XAF1: variants seen among roughly 807,000 people sequenced by gnomAD.
The protein encoded by XAF1 is XIAP-associated factor 1.
XAF1 carries 32 observed loss-of-function variants against 32.3 expected under a neutral mutation model. The observed-to-expected ratio is 0.99, with a 90% CI of 0.75 to 1.33. The LOEUF (loss-of-function observed/expected upper bound fraction) is 1.33. Among genes scored for constraint, XAF1 ranks in the 40% most tolerant of loss-of-function variants. The pLI, the probability that XAF1 is intolerant of heterozygous loss-of-function variation, is 0.00. For synonymous variants in XAF1, 120 were observed against 125.9 expected (o/e 0.95, Z 0.31); for missense variants, 379 against 366.0 (o/e 1.04, Z -0.29).
chr17:6,755,899 T>C, upstream of XAF1: 3 of 1,425,774 alleles, frequency 2.1e-6, no homozygotes, highest in Non-Finnish European at 2.7e-6. Context: ...GGGCTGGCCA[T>C]GCTGTAAAGG....
chr17:6,760,614 A>G lies in XAF1; in HGVS notation c.421+13A>G. 1 of 1,599,292 alleles carries G rather than the reference A, an allele frequency of 6.3e-7. No homozygotes were observed. The highest frequency in any genetic ancestry group is 8.5e-7 in the Non-Finnish European group (1 of 1,170,276). ...CAGCTCGGGAAAGGTAAGCACACAA[A>G]CTGGGGTGGAAGAGAGACGTTCCAA... On this transcript the variant is annotated intron_variant, in intron 4 of 6. Transcript: ENST00000361842.
rs771911994 is a variant in XAF1, at chr17:6,756,056, C to T, written c.-23C>T. On this transcript the variant is annotated 5_prime_UTR_variant, in exon 1 of 7. Coordinates refer to ENST00000361842, the MANE Select transcript of XAF1 (RefSeq NM_017523.5). Reference sequence around the variant, plus strand: ...TTGCCTGCAAGAAACGAAACTCAACCGAAAGCCTGCAGAGAGCAGAACATG... The same window carrying T: ...TTGCCTGCAAGAAACGAAACTCAACTGAAAGCCTGCAGAGAGCAGAACATG... 47 of 1,613,534 alleles carry T rather than the reference C, an allele frequency of 2.9e-5. No individual in the cohort carries two copies. The highest frequency in any genetic ancestry group is 3.6e-5 in the Non-Finnish European group (42 of 1,179,880).
At position 6,774,548 on chromosome 17, in the gene XAF1, G is replaced by A. The variant is rs183088341; in HGVS notation, c.*1379G>A. On this transcript the variant is annotated 3_prime_UTR_variant, in exon 7 of 7. Coordinates refer to ENST00000361842, the MANE Select transcript of XAF1 (RefSeq NM_017523.5). ...CAAAGATCCCAAAAATAATTGTAACGAAAGCAAAAATTGACAAATGGGACA... is the reference window on the plus strand; with the variant it reads ...CAAAGATCCCAAAAATAATTGTAACAAAAGCAAAAATTGACAAATGGGACA... 4 of 152,188 alleles carry A rather than the reference G, an allele frequency of 2.6e-5. No individual in the cohort carries two copies. The highest frequency in any genetic ancestry group is 1.9e-4 in the East Asian group (1 of 5,184). The allele number at this position is 152,188 out of a possible 1,614,324, so 9.4% of individuals were successfully genotyped here.
chr17:6,770,927 G>A lies in XAF1; in HGVS notation c.792G>A (p.Leu264=), dbSNP rs149963509. The change falls in exon 6 of 7, where the codon CTG becomes CTA. Residue 264 remains leucine, a synonymous_variant. Transcript: ENST00000361842. ...PRGDKAAYDI[L]RRCSQCGILL... ...GAGATAAAGCAGCCTATGACATTCTGAGGAGATGTTCTCAGTGTGGCATCC... is the reference window on the plus strand; with the variant it reads ...GAGATAAAGCAGCCTATGACATTCTAAGGAGATGTTCTCAGTGTGGCATCC... The A allele has an allele frequency of 1.9e-4, 306 of 1,613,984 alleles. 1 individual carries two copies. The highest frequency in any genetic ancestry group is 1.3e-3 in the African/African-American group (95 of 75,026).
intron 1 of XAF1, among the ~76,000 whole-genome samples, chr17:6,756,992 CTTTTT>C (rs35781742): frequency 1.5e-5 from 2 of 134,754 alleles, no homozygotes; most frequent in African/African-American, 6.3e-5. Flanking sequence ...CTTTCTTCTT[CTTTTT>C]TTTTTTTTTT....
chr17:6,772,125 A>G (rs928375866), intron 6 of XAF1, among the ~76,000 whole-genome samples: 8 of 152,072 alleles, frequency 5.3e-5, no homozygotes, highest in Admixed American at 2.0e-4. Context: ...GGTTCATTTC[A>G]TATTTGCTGG....
At chr17:6,763,213 A>G (rs1975350975) in intron 5 of XAF1, among the ~76,000 whole-genome samples, 1 of 152,220 alleles carries the variant, frequency 6.6e-6, no homozygotes, top group Admixed American at 6.5e-5. Flanking sequence ...CAGTAGACTC[A>G]TATAATATGT....
At chr17:6,764,475 C>T (rs969276026) in intron 5 of XAF1, among the ~76,000 whole-genome samples, 14 of 152,192 alleles carry the variant, frequency 9.2e-5, no homozygotes, top group African/African-American at 3.4e-4. Context: ...AACAAAGTCT[C>T]ACATCTCTAG....
At chr17:6,760,859 G>C (rs577281038) in intron 4 of XAF1, among the ~76,000 whole-genome samples, 5 of 152,224 alleles carry the variant, frequency 3.3e-5, no homozygotes, top group Admixed American at 6.5e-5. Flanking sequence ...GTTGAGTAAA[G>C]AGGCCATGGA....
rs891310450 is a variant in XAF1 at position 6,775,280 on chromosome 17, C to T, written c.*2111C>T. On this transcript the variant is annotated 3_prime_UTR_variant, in exon 7 of 7. Coordinates refer to ENST00000361842, the MANE Select transcript of XAF1 (RefSeq NM_017523.5). The stretch of plus-strand genomic sequence containing the variant: ...GCAGACACTGGGGCCTACCTGAGGT[C>T]GGAGCATGGAAGGAGGGTGAGGATC... 1 of 152,000 alleles carries T rather than the reference C, an allele frequency of 6.6e-6. No homozygotes were observed. Among genetic ancestry groups the T allele is most frequent in the African/African-American group, 2.4e-5 (1 of 41,376 alleles). 9.4% of individuals were successfully genotyped at this position (152,000 alleles called of 1,614,324 possible).
In XAF1 at chr17:6,758,194, G is replaced by A. The variant is rs1461582757; in HGVS notation, c.138G>A (p.Met46Ile). The A allele has an allele frequency of 2.5e-6, 4 of 1,614,244 alleles. No individual in the cohort carries two copies. The East Asian group carries it at 6.7e-5, about 27-fold the overall frequency. The change falls in exon 2 of 7, where the codon ATG (methionine) becomes ATA (isoleucine). Residue 46 changes from methionine (M) to isoleucine (I), a missense_variant. Met to Ile is a conservative substitution (Grantham distance 10, BLOSUM62 1). Coordinates refer to ENST00000361842, the MANE Select transcript of XAF1 (RefSeq NM_017523.5). ...AGGAGCCTGTCCCCAAGGAAACCAT[G>A]GAGGAGCACTGCAAGCTTGAGCACC... is the stretch of plus-strand genomic sequence containing the variant. Reference protein sequence around the residue: ...ECEEPVPKETMEEHCKLEHQQ... With the variant: ...ECEEPVPKETIEEHCKLEHQQ...
intron 1 of XAF1, 148 bp downstream of exon 1, chr17:6,756,258 T>G: frequency 1.4e-6 from 2 of 1,437,462 alleles, no homozygotes; most frequent in Non-Finnish European, 1.8e-6. Context: ...GCCCCAAGGG[T>G]AGGAGGGTTT....
At position 6,758,137 on chromosome 17, in the gene XAF1, C is replaced by T. The variant is rs761939132; in HGVS notation, c.81C>T (p.Cys27=). 1 of 1,614,130 alleles carries T rather than the reference C, an allele frequency of 6.2e-7. No individual in the cohort carries two copies. The change falls in exon 2 of 7, where the codon TGC becomes TGT. Residue 27 remains cysteine (C), a synonymous_variant. Coordinates refer to ENST00000361842, the MANE Select transcript of XAF1 (RefSeq NM_017523.5). The part of the protein sequence containing the change: ...SANFTLHEAY[C]LRFLVLCPEC... ...ACTTCACCCTCCATGAGGCTTACTGCCTGCGGTTCCTGGTCCTGTGTCCGG... is the reference window on the plus strand; with the variant it reads ...ACTTCACCCTCCATGAGGCTTACTGTCTGCGGTTCCTGGTCCTGTGTCCGG...
At position 6,773,186 on chromosome 17, in the gene XAF1, G is replaced by A. The variant is rs1311227866; in HGVS notation, c.*17G>A. On this transcript the variant is annotated 3_prime_UTR_variant, in exon 7 of 7. Coordinates refer to ENST00000361842, the MANE Select transcript of XAF1 (RefSeq NM_017523.5). ...TTCAGCTAGATTTGGAAAAGGAAAG[G>A]TACTACAAATTCAAAAGATTTCACT... The A allele has an allele frequency of 6.9e-6, 11 of 1,595,124 alleles. No homozygotes were observed. Among genetic ancestry groups the A allele is most frequent in the Non-Finnish European group, 8.5e-6 (10 of 1,173,094 alleles).
chr17:6,759,470 T>C, intron 2 of XAF1, 192 bp from the exon 3 acceptor site: 2 of 1,427,210 alleles, frequency 1.4e-6, no homozygotes, highest in African/African-American at 2.9e-5. Context: ...CTCAGACTGG[T>C]CTGACAAACA....
In XAF1 at chr17:6,758,317, A is replaced by G. The variant is rs1394979170; in HGVS notation, c.168+93A>G. The G allele has an allele frequency of 3.3e-6, 5 of 1,523,098 alleles. No individual in the cohort carries two copies. In the East Asian group the frequency reaches 1.3e-4, roughly 39 times the overall value. The allele number at this position is 1,523,098 out of a possible 1,614,324, so 94.3% of individuals were successfully genotyped here. ...GATGGGGTCTGAGAGTTGGGGGACG[A>G]GGGTCTAGTCCTCCCTGCAGGTGAG... On this transcript the variant is annotated intron_variant, in intron 2 of 6. Coordinates refer to ENST00000361842, the MANE Select transcript of XAF1 (RefSeq NM_017523.5).
At chr17:6,759,083 G>C (rs1012619480) in intron 2 of XAF1, 1 of 963,256 alleles carries the variant, frequency 1.0e-6, no homozygotes, top group Non-Finnish European at 1.3e-6. Flanking sequence ...TGGGGTGAGG[G>C]CTGGGGACTT....
At position 6,769,739 on chromosome 17, in the gene XAF1, C is replaced by T. The variant is rs147969847; in HGVS notation, c.508-904C>T. Among the ~76,000 whole-genome samples the T allele has an allele frequency of 9.2e-4, 140 of 152,252 alleles. 3 individuals are homozygous for T. In the South Asian group the frequency reaches 0.012, roughly 14 times the overall value. On this transcript the variant is annotated intron_variant, in intron 5 of 6. Transcript: ENST00000361842. ...TTGTGATTGCTTCTGCCAGACATCT[C>T]AATGTTTATGTTAATTCTTCTGCTC...
intron 4 of XAF1, chr17:6,761,871 C>CG (rs1975229564): frequency 2.4e-5 from 34 of 1,438,246 alleles, no homozygotes; most frequent in Non-Finnish European, 3.0e-5. Flanking sequence ...GCTACAGCTC[C>CG]ATTCATCTCC....
Sources: allele counts gnomAD v4.1 joint callset (sites outside exome capture counted in the v4.1 genomes callset), GRCh38; gene constraint gnomAD v4.1.1; transcripts MANE v1.5; gene names NCBI Gene and HGNC (gene_info 2026-07-23, HGNC 2026-07-21).